CPQ: variants seen among roughly 807,000 people sequenced by gnomAD.
The protein encoded by CPQ is Ser-Met dipeptidase.
CPQ carries 37 observed loss-of-function variants against 45.7 expected under a neutral mutation model. That is an observed-to-expected ratio of 0.81 (90% CI 0.62 to 1.07). The LOEUF is 1.07. CPQ is among the 50% of genes least tolerant of loss of function. CPQ has a pLI of 0.00. For missense variants in CPQ, 537 were observed against 572.9 expected (o/e 0.94, Z 0.64); for synonymous variants, 186 against 205.8 (o/e 0.90, Z 0.82).
chr8:96,813,914 C>G (rs993700268), intron 2 of CPQ, among the ~76,000 whole-genome samples: 13 of 152,038 alleles, frequency 8.6e-5, no homozygotes, highest in Non-Finnish European at 1.3e-4. Context: ...TAATAGGCCT[C>G]ATTATGGTAC....
intron 3 of CPQ, among the ~76,000 whole-genome samples, chr8:96,866,328 C>T (rs1811995170): frequency 6.6e-6 from 1 of 151,992 alleles, no homozygotes; most frequent in African/African-American, 2.4e-5. Flanking sequence ...AGGTTCATGA[C>T]AAGCTCAGCA....
Position 96,713,759 on chromosome 8 carries a change from A to C in CPQ, c.-35+68357A>C, listed in dbSNP as rs114249798. 8.6e-3 allele frequency among the ~76,000 whole-genome samples: 1,308 copies of C among 152,312 alleles called. 12 individuals carry two copies. The highest frequency in any genetic ancestry group is 0.026 in the African/African-American group (1,074 of 41,562). ...GGTCCTTGAGTTTTATGCTTTCAAG[A>C]GGTCTATTATGGAGCATATTGACCT... On this transcript the variant is annotated intron_variant, in intron 1 of 7. Transcript: ENST00000220763.
intron 2 of CPQ, among the ~76,000 whole-genome samples, chr8:96,805,803 C>T (rs138569376): frequency 1.6e-4 from 25 of 152,004 alleles, no homozygotes; most frequent in African/African-American, 5.8e-4. Flanking sequence ...TTTGGTCACA[C>T]TAGATGACCT....
chr8:96,874,954 G>A (rs2130877162), intron 3 of CPQ, among the ~76,000 whole-genome samples: 1 of 151,910 alleles, frequency 6.6e-6, no homozygotes. Context: ...CACATGCAAT[G>A]TACAAGGATT....
chr8:97,028,966 A>G (rs889930149), intron 5 of CPQ, among the ~76,000 whole-genome samples: 1 of 152,216 alleles, frequency 6.6e-6, no homozygotes, highest in African/African-American at 2.4e-5. Context: ...TCAGACTAAA[A>G]AGTAATCTAC....
intron 7 of CPQ, among the ~76,000 whole-genome samples, chr8:97,115,107 G>C (rs1020232220): frequency 2.0e-5 from 3 of 152,146 alleles, no homozygotes; most frequent in African/African-American, 7.2e-5. Flanking sequence ...GACAGGAGAG[G>C]CAATATGCCT....
At chr8:96,922,601 A>G (rs1812823574) in intron 4 of CPQ, among the ~76,000 whole-genome samples, 1 of 152,194 alleles carries the variant, frequency 6.6e-6, no homozygotes, top group African/African-American at 2.4e-5. Flanking sequence ...CCTGCTCTTC[A>G]CTACCCCATA....
At chr8:96,921,426 AC>A (rs925932387) in intron 4 of CPQ, among the ~76,000 whole-genome samples, 2 of 152,178 alleles carry the variant, frequency 1.3e-5, no homozygotes, top group African/African-American at 4.8e-5. Context: ...TCATTGTTCC[AC>A]TGAAAGTGAA....
chr8:96,700,219 C>T (rs1023017348), intron 1 of CPQ, among the ~76,000 whole-genome samples: 4 of 152,164 alleles, frequency 2.6e-5, no homozygotes, highest in African/African-American at 9.6e-5. Context: ...CTTCTGCTTG[C>T]GTGGCTGCAC....
At chr8:96,794,206 A>G (rs4735437) in intron 2 of CPQ, among the ~76,000 whole-genome samples, 95,371 of 152,066 alleles carry the variant, frequency 0.63, 30,603 homozygotes, top group East Asian at 0.89. Context: ...GCAAACTTCT[A>G]CCTGGACATC....
chr8:96,994,298 A>AGGT lies in CPQ; in HGVS notation c.961+28253_961+28255dup, dbSNP rs531401997. Among the ~76,000 whole-genome samples the AGGT allele has an allele frequency of 5.3e-5, 8 of 152,252 alleles. No homozygotes were observed. The South Asian group carries it at 1.4e-3, about 28-fold the overall frequency. ...TGGAAGGATTGAGAGAGGGAAGATC[A>AGGT]GGTTGCAACTACTAGTATGCAGAAA... On this transcript the variant is annotated intron_variant, in intron 5 of 7. Transcript: ENST00000220763.
intron 4 of CPQ, among the ~76,000 whole-genome samples, chr8:96,960,171 G>T (rs1813433052): frequency 6.6e-6 from 1 of 152,106 alleles, no homozygotes; most frequent in African/African-American, 2.4e-5. Context: ...TAGTTACCAA[G>T]GGCCTTTGAA....
chr8:96,690,695 T>C (rs1020374198), intron 1 of CPQ, among the ~76,000 whole-genome samples: 1 of 152,226 alleles, frequency 6.6e-6, no homozygotes, highest in Non-Finnish European at 1.5e-5. Context: ...ACATGCCCAG[T>C]GCAGGGGAAA....
chr8:96,696,289 TGTGGGGTGGGGGGA>T (rs1303044715), intron 1 of CPQ, among the ~76,000 whole-genome samples: 1 of 138,000 alleles, frequency 7.2e-6, no homozygotes, highest in Non-Finnish European at 1.5e-5. Flanking sequence ...TGGGGACTGT[TGTGGGGTGGGGGGA>T]GTGGGGAGGG....
intron 1 of CPQ, among the ~76,000 whole-genome samples, chr8:96,712,803 T>C (rs1029899861): frequency 6.6e-5 from 10 of 152,194 alleles, no homozygotes; most frequent in African/African-American, 2.4e-4. Context: ...ATTTTTCCCG[T>C]TGTCTTGATG....
At chr8:97,123,129 A>AAAATAAAATAAAATAAATAAAATAAAAT (rs1563587200) in intron 7 of CPQ, among the ~76,000 whole-genome samples, 4 of 98,036 alleles carry the variant, frequency 4.1e-5, no homozygotes, top group African/African-American at 2.0e-4. Flanking sequence ...TAAAATAAAT[A>AAAATAAAATAAAATAAATAAAATAAAAT]AAATAAAATA....
intron 2 of CPQ, among the ~76,000 whole-genome samples, chr8:96,802,214 C>G (rs1038405520): frequency 6.6e-6 from 1 of 152,134 alleles, no homozygotes; most frequent in Non-Finnish European, 1.5e-5. Context: ...TAGTCCAAGG[C>G]TGATGCATTT....
chr8:97,087,247 T>G (rs1001713227), intron 7 of CPQ, among the ~76,000 whole-genome samples: 4 of 152,158 alleles, frequency 2.6e-5, no homozygotes, highest in Non-Finnish European at 5.9e-5. Context: ...ACCTGCCAAA[T>G]CTTTCCACAT....
At chr8:97,112,668 T>C (rs984764324) in intron 7 of CPQ, among the ~76,000 whole-genome samples, 7 of 152,212 alleles carry the variant, frequency 4.6e-5, no homozygotes, top group African/African-American at 1.7e-4. Context: ...GGCATCCCTT[T>C]TGTGTTTGCA....
Sources: gnomAD v4.1 joint callset for allele counts (sites outside exome capture counted in the v4.1 genomes callset) on GRCh38, gnomAD v4.1.1 for gene constraint, MANE v1.5 for transcripts, NCBI Gene and HGNC (gene_info 2026-07-23, HGNC 2026-07-21) for gene names.